Variants in ALK observed in about 807,000 individuals in gnomAD.
ALK encodes ALK receptor tyrosine kinase.
Under a neutral mutation model 163.1 loss-of-function variants are expected in ALK, and 74 were observed. The observed-to-expected ratio is 0.45, with a 90% CI of 0.38 to 0.55. ALK has a LOEUF of 0.55. ALK is among the 20% of genes least tolerant of loss of function. The probability of loss-of-function intolerance (pLI) is 0.00; values close to 1 mark genes in which losing one functional copy is unlikely to be tolerated. For synonymous variants in ALK, 960 were observed against 843.2 expected (o/e 1.14, Z -2.40); for missense variants, 2,063 against 2,105.3 (o/e 0.98, Z 0.39).
intron 1 of ALK, among the ~76,000 whole-genome samples, chr2:29,863,612 T>A (rs1010407608): frequency 1.3e-5 from 2 of 151,946 alleles, no homozygotes; most frequent in Admixed American, 6.6e-5. Flanking sequence ...TATCAAAAAA[T>A]AAATAAATAA....
At chr2:29,502,729 C>T (rs1006527026) in intron 4 of ALK, among the ~76,000 whole-genome samples, 7 of 152,012 alleles carry the variant, frequency 4.6e-5, no homozygotes, top group African/African-American at 7.2e-5. Flanking sequence ...GAGTTTATGC[C>T]TCATCCTACA....
At chr2:29,616,213 C>T (rs890258071) in intron 3 of ALK, among the ~76,000 whole-genome samples, 2 of 152,016 alleles carry the variant, frequency 1.3e-5, no homozygotes, top group East Asian at 1.9e-4. Context: ...CAGGAGCTTT[C>T]GGGAAAGAGG....
chr2:29,372,187 C>T (rs1220166268), intron 5 of ALK, among the ~76,000 whole-genome samples: 2 of 152,110 alleles, frequency 1.3e-5, no homozygotes, highest in Admixed American at 6.5e-5. Flanking sequence ...GAGTGCTGGC[C>T]CCACTTTACC....
chr2:29,550,788 A>G (rs1345187030), intron 3 of ALK, among the ~76,000 whole-genome samples: 1 of 152,200 alleles, frequency 6.6e-6, no homozygotes, highest in African/African-American at 2.4e-5. Context: ...GAAAAAATTT[A>G]TCTGTAGTCC....
chr2:29,564,702 C>T (rs1234426126), intron 3 of ALK, among the ~76,000 whole-genome samples: 7 of 152,152 alleles, frequency 4.6e-5, no homozygotes, highest in Admixed American at 2.6e-4. Context: ...GGTCATTATG[C>T]GTGAGGAATT....
chr2:29,435,093 T>C (rs923356922), intron 4 of ALK, among the ~76,000 whole-genome samples: 1 of 152,188 alleles, frequency 6.6e-6, no homozygotes, highest in Non-Finnish European at 1.5e-5. Context: ...CCTCTCAGTT[T>C]AGCAGTCCAT....
intron 12 of ALK, among the ~76,000 whole-genome samples, chr2:29,249,246 C>T (rs190554936): frequency 6.6e-6 from 1 of 152,366 alleles, no homozygotes; most frequent in East Asian, 1.9e-4. Flanking sequence ...GCCAAGCTGG[C>T]ATTGGAGTTG....
In ALK at chr2:29,360,224, C is replaced by T. The variant is rs559077458; in HGVS notation, c.1282+23508G>A. ...TTGCAAGCCATGATTCATGGCTTTT[C>T]TGGCACAGTTGGCCTTCCCAGTCCT... On this transcript the variant is annotated intron_variant, in intron 5 of 28. Coordinates refer to ENST00000389048, the MANE Select transcript of ALK (RefSeq NM_004304.5). 5.3e-5 allele frequency among the ~76,000 whole-genome samples: 8 copies of T among 152,336 alleles called. No homozygotes were observed. In the East Asian group the frequency reaches 9.6e-4, roughly 18 times the overall value.
At chr2:29,475,911 A>G (rs1299355698) in intron 4 of ALK, among the ~76,000 whole-genome samples, 1 of 152,216 alleles carries the variant, frequency 6.6e-6, no homozygotes, top group Non-Finnish European at 1.5e-5. Context: ...CAGGCGGCAA[A>G]TGAGAACGGT....
intron 3 of ALK, among the ~76,000 whole-genome samples, chr2:29,538,666 T>C (rs76782647): frequency 0.01 from 1,581 of 152,244 alleles, 29 homozygotes; most frequent in African/African-American, 0.035. Flanking sequence ...CAGAATTGCT[T>C]ATAATTTTTT....
At chr2:29,345,890 G>T (rs1027334405) in intron 5 of ALK, among the ~76,000 whole-genome samples, 1 of 152,164 alleles carries the variant, frequency 6.6e-6, no homozygotes, top group Non-Finnish European at 1.5e-5. Context: ...TGTTGGAACA[G>T]CATAGCAAAA....
chr2:29,418,963 G>T (rs1390564445), intron 4 of ALK, among the ~76,000 whole-genome samples: 1 of 151,438 alleles, frequency 6.6e-6, no homozygotes, highest in African/African-American at 2.5e-5. Context: ...TAAGTGAGAG[G>T]GTATGGTAGA....
At chr2:29,217,446 T>C (rs1669671826) in intron 23 of ALK, among the ~76,000 whole-genome samples, 3 of 152,000 alleles carry the variant, frequency 2.0e-5, no homozygotes, top group African/African-American at 7.3e-5. Flanking sequence ...GAATCTAGAC[T>C]CGCAGAGCAT....
chr2:29,447,314 C>T (rs1045459262), intron 4 of ALK, among the ~76,000 whole-genome samples: 2 of 152,186 alleles, frequency 1.3e-5, no homozygotes, highest in African/African-American at 4.8e-5. Context: ...ACAGCAGCAC[C>T]TGGGCAGGGA....
chr2:29,423,327 C>G (rs934639976), intron 4 of ALK, among the ~76,000 whole-genome samples: 5 of 152,096 alleles, frequency 3.3e-5, no homozygotes, highest in African/African-American at 1.2e-4. Flanking sequence ...GAATTTGTAC[C>G]AAGATTGAAA....
intron 4 of ALK, among the ~76,000 whole-genome samples, chr2:29,443,685 C>T (rs10207089): frequency 6.6e-6 from 1 of 152,172 alleles, no homozygotes. Context: ...AATTAACCCA[C>T]CACTGGCTCA....
intron 1 of ALK, among the ~76,000 whole-genome samples, chr2:29,885,487 C>G (rs1227507807): frequency 6.6e-6 from 1 of 151,602 alleles, no homozygotes; most frequent in Admixed American, 6.6e-5. Context: ...TTGAGAAAAC[C>G]ATGCCCAGGT....
At chr2:29,502,157 GCAT>G (rs1672205083) in intron 4 of ALK, among the ~76,000 whole-genome samples, 1 of 152,126 alleles carries the variant, frequency 6.6e-6, no homozygotes, top group Non-Finnish European at 1.5e-5. Flanking sequence ...AATAAAACAG[GCAT>G]CATCCCTGCT....
intron 3 of ALK, among the ~76,000 whole-genome samples, chr2:29,623,707 G>C (rs1676107164): frequency 6.6e-6 from 1 of 152,168 alleles, no homozygotes; most frequent in Non-Finnish European, 1.5e-5. Context: ...AATTCATCTA[G>C]AGTTTAGAAG....
Sources: allele counts gnomAD v4.1 joint callset (sites outside exome capture counted in the v4.1 genomes callset), GRCh38; gene constraint gnomAD v4.1.1; transcripts MANE v1.5; gene names NCBI Gene and HGNC (gene_info 2026-07-23, HGNC 2026-07-21).